The following HPCAL1 variants were observed in gnomAD, a reference collection of about 807,000 sequenced individuals.
The protein encoded by HPCAL1 is hippocalcin like 1, also known as hippocalcin-like protein 1.
A neutral mutation model predicts 17.1 loss-of-function variants in HPCAL1; 8 were observed. The observed-to-expected ratio is 0.47, with a 90% CI of 0.27 to 0.84. The LOEUF is 0.84. Ranked by LOEUF, HPCAL1 falls within the 40% of genes least tolerant of loss-of-function variation. The probability of loss-of-function intolerance (pLI) is 0.13; values close to 1 mark genes in which losing one functional copy is unlikely to be tolerated. For missense variants in HPCAL1, 165 were observed against 271.1 expected (o/e 0.61, Z 2.75); for synonymous variants, 112 against 111.4 (o/e 1.01, Z -0.03).
chr2:10,402,747 GA>G (rs57288577), intron 2 of HPCAL1, among the ~76,000 whole-genome samples: 21,622 of 152,128 alleles, frequency 0.14, 2,458 homozygotes, highest in African/African-American at 0.32. Flanking sequence ...AAGAATTAAA[GA>G]AAAAGTTTTT....
At chr2:10,315,964 G>C (rs1663288085) in intron 1 of HPCAL1, among the ~76,000 whole-genome samples, 1 of 152,176 alleles carries the variant, frequency 6.6e-6, no homozygotes, top group African/African-American at 2.4e-5. Context: ...CCGAGATCAG[G>C]CCACTGCACT....
intron 1 of HPCAL1, among the ~76,000 whole-genome samples, chr2:10,368,219 G>T: frequency 6.7e-6 from 1 of 150,194 alleles, no homozygotes; most frequent in South Asian, 2.1e-4. Context: ...AGGGGTGTGC[G>T]TGTGTACACA....
At chr2:10,325,333 C>T (rs1025751217) in intron 1 of HPCAL1, among the ~76,000 whole-genome samples, 2 of 152,202 alleles carry the variant, frequency 1.3e-5, no homozygotes, top group African/African-American at 4.8e-5. Flanking sequence ...TCTCCCACAT[C>T]CCCATTTAAG....
intron 4 of HPCAL1, chr2:10,423,317 C>G: frequency 3.7e-6 from 2 of 545,018 alleles, no homozygotes; most frequent in Non-Finnish European, 6.7e-6. Flanking sequence ...ATGTTGTGGC[C>G]TCTCTGAGCC....
At chr2:10,378,717 A>C (rs1463270544) in intron 1 of HPCAL1, among the ~76,000 whole-genome samples, 1 of 152,198 alleles carries the variant, frequency 6.6e-6, no homozygotes, top group Non-Finnish European at 1.5e-5. Flanking sequence ...AGGAGAGGGC[A>C]CAGCCGTTCA....
intron 1 of HPCAL1, among the ~76,000 whole-genome samples, chr2:10,389,896 A>G (rs1038522873): frequency 1.3e-5 from 2 of 152,216 alleles, no homozygotes; most frequent in Non-Finnish European, 2.9e-5. Flanking sequence ...TGTTGGACAT[A>G]CATGAAGGAG....
intron 1 of HPCAL1, among the ~76,000 whole-genome samples, chr2:10,306,707 C>A (rs1662649660): frequency 6.6e-6 from 1 of 152,144 alleles, no homozygotes; most frequent in Non-Finnish European, 1.5e-5. Flanking sequence ...TACGGTTTGA[C>A]AGGTGGAACA....
chr2:10,332,807 A>G (rs1558464338), intron 1 of HPCAL1, among the ~76,000 whole-genome samples: 1 of 152,110 alleles, frequency 6.6e-6, no homozygotes, highest in Admixed American at 6.5e-5. Context: ...AAAGGTGGGG[A>G]TGAGGACTGA....
At chr2:10,346,548 T>G (rs1456884099) in intron 1 of HPCAL1, among the ~76,000 whole-genome samples, 1 of 152,166 alleles carries the variant, frequency 6.6e-6, no homozygotes, top group African/African-American at 2.4e-5. Flanking sequence ...GCATTTTTGT[T>G]GTGAGCCAGT....
rs972551948 is a variant in HPCAL1 at position 10,426,929 on chromosome 2, G to A, written c.*108G>A. ...ATCGTTCCTGCTCTCCCGGGCCCCGGGCCTGGGGCATGCGTTGCACCTGCC... is the reference window on the plus strand; with the variant it reads ...ATCGTTCCTGCTCTCCCGGGCCCCGAGCCTGGGGCATGCGTTGCACCTGCC... On this transcript the variant is annotated 3_prime_UTR_variant, in exon 5 of 5. Transcript: ENST00000307845. 17 of 1,069,736 alleles carry A rather than the reference G, an allele frequency of 1.6e-5. No homozygotes were observed. The African/African-American group carries it at 2.6e-4, about 17-fold the overall frequency. The allele number at this position is 1,069,736 out of a possible 1,614,324, so 66.3% of individuals were successfully genotyped here.
At chr2:10,399,624 G>A (rs549376122) in intron 2 of HPCAL1, among the ~76,000 whole-genome samples, 1 of 143,412 alleles carries the variant, frequency 7.0e-6, no homozygotes, top group East Asian at 2.1e-4. Context: ...AGGGACTCTG[G>A]GATCAGAAGG....
intron 4 of HPCAL1, chr2:10,424,016 C>T (rs1671244772): frequency 1.3e-5 from 2 of 155,384 alleles, no homozygotes; most frequent in African/African-American, 4.8e-5. Flanking sequence ...TGGTGTGAAC[C>T]CGGGAGGCAG....
At chr2:10,316,708 G>A (rs1348546267) in intron 1 of HPCAL1, among the ~76,000 whole-genome samples, 1 of 152,160 alleles carries the variant, frequency 6.6e-6, no homozygotes, top group African/African-American at 2.4e-5. Flanking sequence ...TGCTGGGGCC[G>A]GGCTGCCTCC....
intron 2 of HPCAL1, among the ~76,000 whole-genome samples, chr2:10,416,688 GAT>G (rs1316761548): frequency 6.7e-6 from 1 of 149,126 alleles, no homozygotes. Context: ...GTGATCTTCT[GAT>G]TTTACATTCC....
At position 10,359,593 on chromosome 2, in the gene HPCAL1, A is replaced by T. The variant is rs955584094; in HGVS notation, c.-110-37242A>T. On this transcript the variant is annotated intron_variant, in intron 1 of 4. Coordinates refer to ENST00000307845, the MANE Select transcript of HPCAL1 (RefSeq NM_002149.4). This position sits in a 1 kb window ranked among gnomAD's most constrained non-coding sequence, Gnocchi z 4.1. The stretch of plus-strand genomic sequence containing the variant: ...AGGATGAAGTCAGGGCTCTGGCCTC[A>T]TTGAGGGCCTGGAACTCTTTAGAGC... Among the ~76,000 whole-genome samples, 2 of 152,118 alleles carry T rather than the reference A, an allele frequency of 1.3e-5. No individual in the cohort carries two copies. Among genetic ancestry groups the T allele is most frequent in the Non-Finnish European group, 2.9e-5 (2 of 68,020 alleles).
chr2:10,385,762 T>C (rs1668266785), intron 1 of HPCAL1, among the ~76,000 whole-genome samples: 1 of 152,234 alleles, frequency 6.6e-6, no homozygotes, highest in Non-Finnish European at 1.5e-5. Context: ...TTCAGATGAC[T>C]TATTCCTTCA....
chr2:10,387,511 A>T (rs1032768805), intron 1 of HPCAL1, among the ~76,000 whole-genome samples: 1 of 152,212 alleles, frequency 6.6e-6, no homozygotes, highest in Admixed American at 6.5e-5. Context: ...CTCACCAGGG[A>T]CAGTGTGGCC....
At chr2:10,357,985 G>C (rs1375027601) in intron 1 of HPCAL1, among the ~76,000 whole-genome samples, 1 of 152,234 alleles carries the variant, frequency 6.6e-6, no homozygotes, top group East Asian at 1.9e-4. Flanking sequence ...CAGCCCCAGG[G>C]CTGAAACCCC....
chr2:10,411,894 T>A (rs1161087677), intron 2 of HPCAL1, among the ~76,000 whole-genome samples: 1 of 152,200 alleles, frequency 6.6e-6, no homozygotes, highest in African/African-American at 2.4e-5. Context: ...TGTGGGTTCC[T>A]CACCAGCCTT....
Sources: gnomAD v4.1 joint callset for allele counts (sites outside exome capture counted in the v4.1 genomes callset) on GRCh38, gnomAD v4.1.1 for gene constraint, Gnocchi (gnomAD v3.1) non-coding constraint, MANE v1.5 for transcripts, NCBI Gene and HGNC (gene_info 2026-07-23, HGNC 2026-07-21) for gene names.